The following DRC11 variants were observed in gnomAD, a reference collection of about 807,000 sequenced individuals.
DRC11 encodes IQ and AAA domain-containing protein 1.
chr2:236,429,446 G>A, the DRC11 span, among the ~76,000 whole-genome samples: 2 of 152,170 alleles, frequency 1.3e-5, no homozygotes, highest in Non-Finnish European at 2.9e-5. This position sits in a 1 kb window ranked among gnomAD's most constrained non-coding sequence, Gnocchi z 5.9. Flanking sequence ...CACAGTGTGG[G>A]GATAGTTGCT....
chr2:236,459,639 A>G, the DRC11 span, among the ~76,000 whole-genome samples: 1 of 143,266 alleles, frequency 7.0e-6, no homozygotes, highest in South Asian at 2.1e-4. Context: ...GTATATACGT[A>G]TATACGTATA....
chr2:236,359,147 G>A, the DRC11 span, among the ~76,000 whole-genome samples: 2 of 151,858 alleles, frequency 1.3e-5, no homozygotes, highest in African/African-American at 4.8e-5. This position sits in a 1 kb window ranked among gnomAD's most constrained non-coding sequence, Gnocchi z 4.3. Context: ...CTGGGTCGAG[G>A]GTCCTCTCTG....
chr2:236,392,324 A>C, the DRC11 span: 5 of 1,595,452 alleles, frequency 3.1e-6, no homozygotes, highest in Non-Finnish European at 4.3e-6. The surrounding 1 kb of genome is among the most constrained non-coding windows in gnomAD (Gnocchi z 5.1). Context: ...GAGAAATTCC[A>C]AGACTCATCT....
the DRC11 span, among the ~76,000 whole-genome samples, chr2:236,347,272 G>A: frequency 6.6e-6 from 1 of 152,062 alleles, no homozygotes; most frequent in Non-Finnish European, 1.5e-5. Context: ...TACACTGCTG[G>A]TGGGAATGTA....
At chr2:236,463,880 A>T in the DRC11 span, among the ~76,000 whole-genome samples, 1 of 152,168 alleles carries the variant, frequency 6.6e-6, no homozygotes, top group African/African-American at 2.4e-5. The surrounding 1 kb of genome is among the most constrained non-coding windows in gnomAD (Gnocchi z 5.0). Flanking sequence ...GTCTCATCTG[A>T]TGGCTCACCT....
At chr2:236,488,384 G>A in the DRC11 span, among the ~76,000 whole-genome samples, 1 of 152,156 alleles carries the variant, frequency 6.6e-6, no homozygotes, top group Admixed American at 6.5e-5. Context: ...ACATGCTCAT[G>A]CTGTGATCCC....
At chr2:236,313,439 T>C in the DRC11 span, among the ~76,000 whole-genome samples, 444 of 152,332 alleles carry the variant, frequency 2.9e-3, 2 homozygotes, top group Non-Finnish European at 4.1e-3. This position sits in a 1 kb window ranked among gnomAD's most constrained non-coding sequence, Gnocchi z 4.5. Context: ...AACTGGATCA[T>C]TCATACATTG....
the DRC11 span, among the ~76,000 whole-genome samples, chr2:236,486,528 G>A: frequency 2.7e-5 from 4 of 150,528 alleles, no homozygotes; most frequent in African/African-American, 4.9e-5. The surrounding 1 kb of genome is among the most constrained non-coding windows in gnomAD (Gnocchi z 5.7). Context: ...TGTTGTGACC[G>A]CCCATCCTAA....
chr2:236,335,235 T>C, the DRC11 span, among the ~76,000 whole-genome samples: 3 of 152,194 alleles, frequency 2.0e-5, no homozygotes, highest in African/African-American at 7.2e-5. The surrounding 1 kb of genome is among the most constrained non-coding windows in gnomAD (Gnocchi z 5.6). Context: ...GACTGGAAGA[T>C]ACTACTTTTG....
the DRC11 span, among the ~76,000 whole-genome samples, chr2:236,447,304 G>A: frequency 6.6e-6 from 1 of 151,692 alleles, no homozygotes; most frequent in South Asian, 2.1e-4. The surrounding 1 kb of genome is among the most constrained non-coding windows in gnomAD (Gnocchi z 4.6). Context: ...GCTGGAGTAG[G>A]AGGGCCCCAT....
the DRC11 span, among the ~76,000 whole-genome samples, chr2:236,354,836 C>T: frequency 1.4e-3 from 213 of 152,256 alleles, no homozygotes; most frequent in African/African-American, 4.8e-3. Context: ...TGCTCCCTGT[C>T]GTCACTGGAC....
the DRC11 span, among the ~76,000 whole-genome samples, chr2:236,316,661 A>G: frequency 6.6e-6 from 1 of 152,246 alleles, no homozygotes; most frequent in South Asian, 2.1e-4. The surrounding 1 kb of genome is among the most constrained non-coding windows in gnomAD (Gnocchi z 6.8). Context: ...ATCACTATGC[A>G]TATGAAAAGA....
At chr2:236,411,596 T>C in the DRC11 span, among the ~76,000 whole-genome samples, 26 of 151,440 alleles carry the variant, frequency 1.7e-4, no homozygotes, top group East Asian at 5.8e-4. Flanking sequence ...CACATGCACA[T>C]GTATGTTTAT....
At chr2:236,341,112 C>G in the DRC11 span, among the ~76,000 whole-genome samples, 22 of 152,352 alleles carry the variant, frequency 1.4e-4, no homozygotes, top group Non-Finnish European at 3.2e-4. Flanking sequence ...ATCCACGCAG[C>G]AATTTCAATT....
At chr2:236,377,122 G>A in the DRC11 span, 55 of 1,609,284 alleles carry the variant, frequency 3.4e-5, no homozygotes, top group Non-Finnish European at 4.6e-5. This position sits in a 1 kb window ranked among gnomAD's most constrained non-coding sequence, Gnocchi z 4.9. Flanking sequence ...CAGAGAGGTT[G>A]ACTTTCAGAG....
the DRC11 span, chr2:236,324,420 T>C: frequency 2.4e-4 from 78 of 325,206 alleles, no homozygotes; most frequent in African/African-American, 1.6e-3. This position sits in a 1 kb window ranked among gnomAD's most constrained non-coding sequence, Gnocchi z 5.7. Context: ...ATATACAAAC[T>C]TGGCGTGGAT....
the DRC11 span, among the ~76,000 whole-genome samples, chr2:236,352,025 G>A: frequency 6.6e-6 from 1 of 152,172 alleles, no homozygotes; most frequent in Non-Finnish European, 1.5e-5. This position sits in a 1 kb window ranked among gnomAD's most constrained non-coding sequence, Gnocchi z 7.0. Context: ...AGGAATTCTC[G>A]AGTAAAGGGG....
At chr2:236,324,484 G>A in the DRC11 span, 3 of 474,376 alleles carry the variant, frequency 6.3e-6, no homozygotes, top group Non-Finnish European at 1.2e-5. The surrounding 1 kb of genome is among the most constrained non-coding windows in gnomAD (Gnocchi z 5.7). Context: ...GCCTGGGAAA[G>A]GCATAACAGC....
At chr2:236,501,474 C>G in the DRC11 span, among the ~76,000 whole-genome samples, 2 of 152,160 alleles carry the variant, frequency 1.3e-5, no homozygotes. Flanking sequence ...GTTCAAAGTT[C>G]CTGGGACCCT....
Sources: gnomAD v4.1 joint callset for allele counts (sites outside exome capture counted in the v4.1 genomes callset) on GRCh38, gnomAD v4.1.1 for gene constraint, Gnocchi (gnomAD v3.1) non-coding constraint, MANE v1.5 for transcripts, NCBI Gene and HGNC (gene_info 2026-07-23, HGNC 2026-07-21) for gene names.